The following UNC13C variants were observed in gnomAD, a reference collection of about 807,000 sequenced individuals.
The protein encoded by UNC13C is protein unc-13 homolog C.
A neutral mutation model predicts 245.4 loss-of-function variants in UNC13C; 174 were observed. The ratio of observed to expected loss-of-function variants is 0.71; its 90% CI spans 0.63 to 0.80. The LOEUF is 0.80. UNC13C is among the 30% of genes least tolerant of loss of function. UNC13C has a pLI of 0.00. For missense variants in UNC13C, 2,829 were observed against 2,602.9 expected (o/e 1.09, Z -1.89); for synonymous variants, 992 against 895.1 (o/e 1.11, Z -1.93).
intron 12 of UNC13C, among the ~76,000 whole-genome samples, chr15:54,298,935 T>C (rs2037504426): frequency 6.6e-6 from 1 of 152,174 alleles, no homozygotes; most frequent in Admixed American, 6.5e-5. Context: ...TAAATATTTA[T>C]ACCCCATTTT....
intron 2 of UNC13C, among the ~76,000 whole-genome samples, chr15:54,120,999 A>G (rs190002861): frequency 3.3e-5 from 5 of 152,264 alleles, no homozygotes; most frequent in South Asian, 2.1e-4. Flanking sequence ...GTTATTGAAC[A>G]TCGTTGAAAT....
Position 54,059,772 on chromosome 15 carries a change from T to C in UNC13C, c.2983+43886T>C, listed in dbSNP as rs1897720454. ...TGGTACTGGTACCAAAATAGAGATATAGACCAATGGAACAGAACAGAGCCC... is the reference window on the plus strand; with the variant it reads ...TGGTACTGGTACCAAAATAGAGATACAGACCAATGGAACAGAACAGAGCCC... On this transcript the variant is annotated intron_variant, in intron 2 of 32. Transcript: ENST00000260323. Among the ~76,000 whole-genome samples the C allele has an allele frequency of 2.0e-5, 3 of 152,244 alleles. 1 individual carries two copies. The highest frequency in any genetic ancestry group is 4.2e-4 in the South Asian group (2 of 4,818).
intron 4 of UNC13C, among the ~76,000 whole-genome samples, chr15:54,196,727 T>A (rs1469084724): frequency 6.6e-6 from 1 of 152,202 alleles, no homozygotes; most frequent in African/African-American, 2.4e-5. Context: ...AGAAAAATTA[T>A]GTGATCATTT....
At chr15:54,048,870 G>A in intron 2 of UNC13C, 1 of 252,690 alleles carries the variant, frequency 4.0e-6, no homozygotes. Flanking sequence ...TTCACGTAAT[G>A]TTTTAGGCAA....
intron 18 of UNC13C, among the ~76,000 whole-genome samples, chr15:54,398,121 AGTTCT>A (rs2040108595): frequency 6.6e-6 from 1 of 151,364 alleles, no homozygotes; most frequent in Admixed American, 6.6e-5. Flanking sequence ...AAGTTGAGGA[AGTTCT>A]GTTCTGTTCT....
chr15:54,629,828 G>A (rs1324720841), downstream of UNC13C: 1 of 152,096 alleles, frequency 6.6e-6, no homozygotes, highest in African/African-American at 2.4e-5. Flanking sequence ...CAATTATTCT[G>A]TCTTTTACAA....
the UNC13C span, among the ~76,000 whole-genome samples, chr15:53,931,771 G>A: frequency 3.9e-5 from 6 of 152,102 alleles, no homozygotes; most frequent in Admixed American, 2.0e-4. Context: ...TGTTAAAATC[G>A]TCTTTCACTA....
At chr15:54,050,465 G>T in intron 2 of UNC13C, 1 of 550,466 alleles carries the variant, frequency 1.8e-6, no homozygotes, top group African/African-American at 1.9e-5. Flanking sequence ...GTTGATCTAA[G>T]CATCCAAGTC....
chr15:54,559,493 C>T (rs1897217517), intron 29 of UNC13C, among the ~76,000 whole-genome samples: 1 of 151,942 alleles, frequency 6.6e-6, no homozygotes, highest in Non-Finnish European at 1.5e-5. Context: ...TAGAGGATTG[C>T]AATTCAAATA....
chr15:54,171,085 C>A (rs1172649615), intron 4 of UNC13C, among the ~76,000 whole-genome samples: 1 of 152,094 alleles, frequency 6.6e-6, no homozygotes, highest in Non-Finnish European at 1.5e-5. Flanking sequence ...CTTATATAAC[C>A]AGCTGCCCAA....
intron 2 of UNC13C, among the ~76,000 whole-genome samples, chr15:54,039,569 T>A (rs981127313): frequency 6.6e-5 from 10 of 152,142 alleles, no homozygotes; most frequent in Admixed American, 5.9e-4. Flanking sequence ...GCCTGCAGTG[T>A]TCCAGGGCTC....
chr15:54,048,196 T>C (rs763249891), intron 2 of UNC13C, among the ~76,000 whole-genome samples: 3 of 152,212 alleles, frequency 2.0e-5, no homozygotes, highest in Admixed American at 6.5e-5. Context: ...AGACCCATAC[T>C]CTTACTGGAT....
the UNC13C span, among the ~76,000 whole-genome samples, chr15:53,959,615 C>T: frequency 0.051 from 7,701 of 152,210 alleles, 318 homozygotes; most frequent in African/African-American, 0.11. Context: ...CTTTGGTTTT[C>T]AGGGCTCAAA....
intron 28 of UNC13C, among the ~76,000 whole-genome samples, chr15:54,550,105 G>C (rs559775796): frequency 2.0e-5 from 3 of 152,258 alleles, no homozygotes; most frequent in East Asian, 3.9e-4. Context: ...GTTATAATTT[G>C]AGATTCCCAA....
downstream of UNC13C, chr15:54,632,223 A>G (rs1901468606): frequency 1.3e-5 from 2 of 152,204 alleles, no homozygotes; most frequent in Non-Finnish European, 2.9e-5. Flanking sequence ...CATATTCCAT[A>G]TACAAACCCT....
At chr15:54,204,429 C>G (rs1304462906) in intron 4 of UNC13C, among the ~76,000 whole-genome samples, 1 of 150,680 alleles carries the variant, frequency 6.6e-6, no homozygotes, top group Non-Finnish European at 1.5e-5. Context: ...TAGGCATAAA[C>G]TAGATTGTGG....
At chr15:54,404,212 TA>T (rs2040247123) in intron 18 of UNC13C, among the ~76,000 whole-genome samples, 1 of 152,192 alleles carries the variant, frequency 6.6e-6, no homozygotes, top group Non-Finnish European at 1.5e-5. Context: ...TTATTTGTAA[TA>T]ATTAACCTAC....
chr15:54,449,410 A>G (rs1891034040), intron 19 of UNC13C, among the ~76,000 whole-genome samples: 1 of 152,198 alleles, frequency 6.6e-6, no homozygotes, highest in African/African-American at 2.4e-5. Flanking sequence ...TTTCAGGTAC[A>G]CCAATCAGAT....
intron 2 of UNC13C, among the ~76,000 whole-genome samples, chr15:54,068,456 G>T (rs1898170561): frequency 6.6e-6 from 1 of 152,124 alleles, no homozygotes; most frequent in African/African-American, 2.4e-5. Context: ...AGTTTAATTT[G>T]GAGCACAGAC....
Sources: gnomAD v4.1 joint callset for allele counts (sites outside exome capture counted in the v4.1 genomes callset) on GRCh38, gnomAD v4.1.1 for gene constraint, MANE v1.5 for transcripts, NCBI Gene and HGNC (gene_info 2026-07-23, HGNC 2026-07-21) for gene names.